DNAJC15: variants seen among roughly 807,000 people sequenced by gnomAD.
DNAJC15 encodes the protein DnaJ heat shock protein family (Hsp40) member C15.
DNAJC15 carries 27 observed loss-of-function variants against 22.4 expected under a neutral mutation model. The ratio of observed to expected loss-of-function variants is 1.20; its 90% CI spans 0.89 to 1.66. The LOEUF is 1.66. Ranked by LOEUF, DNAJC15 falls within the 40% of genes most tolerant of loss-of-function variation. DNAJC15 has a pLI of 0.00. For synonymous variants in DNAJC15, 79 were observed against 63.2 expected (o/e 1.25, Z -1.19); for missense variants, 208 against 187.1 (o/e 1.11, Z -0.65).
At chr13:43,036,655 C>G (rs970459412) in intron 1 of DNAJC15, among the ~76,000 whole-genome samples, 10 of 152,218 alleles carry the variant, frequency 6.6e-5, no homozygotes, top group Admixed American at 1.3e-4. Flanking sequence ...CTTTCAACCT[C>G]TTGCTGCCAC....
intron 5 of DNAJC15, among the ~76,000 whole-genome samples, chr13:43,104,453 A>T (rs1420429825): frequency 1.3e-5 from 2 of 152,054 alleles, no homozygotes; most frequent in Non-Finnish European, 2.9e-5. Context: ...TGATGTGTTT[A>T]TATTTTATTT....
rs567965915 is a variant in DNAJC15 at position 43,065,396 on chromosome 13, G to A, written c.109-290G>A. Among the ~76,000 whole-genome samples, 24 of 152,076 alleles carry A rather than the reference G, an allele frequency of 1.6e-4. No individual in the cohort carries two copies. In the East Asian group the frequency reaches 2.5e-3, roughly 16 times the overall value. On this transcript the variant is annotated intron_variant, in intron 1 of 5. Coordinates refer to ENST00000379221, the MANE Select transcript of DNAJC15 (RefSeq NM_013238.3). ...TATATTAAACCCCCTATTAAAAATC[G>A]TCTATAGAAAAAATTATAGCAATAG... is the stretch of plus-strand genomic sequence containing the variant.
intron 2 of DNAJC15, among the ~76,000 whole-genome samples, chr13:43,066,649 G>A (rs1158863629): frequency 6.6e-6 from 1 of 151,914 alleles, no homozygotes; most frequent in African/African-American, 2.4e-5. Context: ...TTTTTGAGAC[G>A]GAGTCTTGCT....
intron 5 of DNAJC15, among the ~76,000 whole-genome samples, chr13:43,101,111 C>T (rs925601488): frequency 1.3e-5 from 2 of 152,180 alleles, no homozygotes; most frequent in African/African-American, 4.8e-5. Flanking sequence ...CTTTTTCCAT[C>T]CTTTTACTTT....
chr13:43,026,231 A>T (rs2040380126), intron 1 of DNAJC15, among the ~76,000 whole-genome samples: 1 of 152,210 alleles, frequency 6.6e-6, no homozygotes, highest in South Asian at 2.1e-4. Context: ...TCTGTACTAA[A>T]ACAGTGTAAT....
chr13:43,086,119 G>A (rs570685870), intron 5 of DNAJC15, among the ~76,000 whole-genome samples: 10 of 152,228 alleles, frequency 6.6e-5, no homozygotes, highest in Non-Finnish European at 1.2e-4. Context: ...TCGAAAACAC[G>A]AGTTATGGAC....
At chr13:43,060,051 T>G (rs1412001071) in intron 1 of DNAJC15, among the ~76,000 whole-genome samples, 1 of 152,222 alleles carries the variant, frequency 6.6e-6, no homozygotes, top group Non-Finnish European at 1.5e-5. Context: ...GATGTATACG[T>G]GCAGGTCACA....
chr13:43,096,452 T>A (rs1389321661), intron 5 of DNAJC15, among the ~76,000 whole-genome samples: 1 of 152,228 alleles, frequency 6.6e-6, no homozygotes. Context: ...TCCCAGATTT[T>A]TTATGGATAC....
intron 1 of DNAJC15, among the ~76,000 whole-genome samples, chr13:43,049,801 T>C (rs73473963): frequency 0.034 from 5,135 of 152,332 alleles, 296 homozygotes; most frequent in African/African-American, 0.12. Context: ...AATCTGTGTC[T>C]GAAAAGAAAT....
chr13:43,032,581 T>C (rs746199644), intron 1 of DNAJC15, among the ~76,000 whole-genome samples: 5 of 152,192 alleles, frequency 3.3e-5, no homozygotes, highest in Non-Finnish European at 5.9e-5. Flanking sequence ...CCTGGCACTT[T>C]GGGAGGCCAA....
In DNAJC15 at chr13:43,045,898, G is replaced by C. The variant is rs1204549171; in HGVS notation, c.109-19788G>C. ...TTCCTGTTAAAATTGTTTGTTGTCT[G>C]TCTCTCTTGCTAAAATGTACCTTCA... On this transcript the variant is annotated intron_variant, in intron 1 of 5. Transcript: ENST00000379221. Among the ~76,000 whole-genome samples the C allele has an allele frequency of 3.3e-5, 5 of 152,068 alleles. 1 individual carries two copies. In the East Asian group the frequency reaches 9.6e-4, roughly 29 times the overall value.
At position 43,097,984 on chromosome 13, in the gene DNAJC15, A is replaced by G. The variant is rs550441558; in HGVS notation, c.383-9194A>G. ...AAAATATATTTTGAAGGAACACCCA[A>G]CAAAGCTTATGAATCAGGGGTAAGA... On this transcript the variant is annotated intron_variant, in intron 5 of 5. Coordinates refer to ENST00000379221, the MANE Select transcript of DNAJC15 (RefSeq NM_013238.3). 3.3e-5 allele frequency among the ~76,000 whole-genome samples: 5 copies of G among 152,336 alleles called. No homozygotes were observed. In the South Asian group the frequency reaches 6.2e-4, roughly 19 times the overall value.
chr13:43,052,188 C>G (rs543295990), intron 1 of DNAJC15, among the ~76,000 whole-genome samples: 59 of 152,162 alleles, frequency 3.9e-4, no homozygotes, highest in Non-Finnish European at 7.6e-4. Flanking sequence ...TGGTCTCGAT[C>G]TCCTGACCTT....
rs1284231474 is a variant in DNAJC15, at chr13:43,110,736, A to G, written c.*3488A>G. 1 of 152,186 alleles carries G rather than the reference A, an allele frequency of 6.6e-6. No homozygotes were observed. Among genetic ancestry groups the G allele is most frequent in the Non-Finnish European group, 1.5e-5 (1 of 68,020 alleles). 9.4% of individuals were successfully genotyped at this position (152,186 alleles called of 1,614,324 possible). ...TATGAGCTCTCTGAGAGCAAGGATC[A>G]TATCAGTCTTGTTTATTGTTGCAGT... On this transcript the variant is annotated 3_prime_UTR_variant, in exon 6 of 6. Transcript: ENST00000379221.
At chr13:43,039,384 C>A (rs2040442964) in intron 1 of DNAJC15, among the ~76,000 whole-genome samples, 1 of 152,070 alleles carries the variant, frequency 6.6e-6, no homozygotes, top group African/African-American at 2.4e-5. Flanking sequence ...TATAGTGTTT[C>A]TATAGAAGTC....
At position 43,087,882 on chromosome 13, in the gene DNAJC15, A is replaced by G. The variant is rs561449941; in HGVS notation, c.382+2044A>G. On this transcript the variant is annotated intron_variant, in intron 5 of 5. Coordinates refer to ENST00000379221, the MANE Select transcript of DNAJC15 (RefSeq NM_013238.3). ...AATAAGCATTCAGACGTATTTTGGT[A>G]AAAAGGAAATTTTTCTTTTTCAATG... Among the ~76,000 whole-genome samples, 141 of 152,314 alleles carry G rather than the reference A, an allele frequency of 9.3e-4. 1 individual carries two copies. The highest frequency in any genetic ancestry group is 3.3e-3 in the African/African-American group (137 of 41,584).
intron 1 of DNAJC15, among the ~76,000 whole-genome samples, chr13:43,026,677 A>G (rs910771695): frequency 4.8e-5 from 4 of 83,494 alleles, no homozygotes; most frequent in Admixed American, 2.1e-4. Context: ...ATGTTTGTCA[A>G]TGAGTTAAAG....
chr13:43,049,224 C>T (rs923505077), intron 1 of DNAJC15, among the ~76,000 whole-genome samples: 5 of 152,222 alleles, frequency 3.3e-5, no homozygotes, highest in Non-Finnish European at 7.3e-5. Flanking sequence ...GGTACCAACA[C>T]TATGCCTGAT....
At chr13:43,062,910 G>T (rs1312548572) in intron 1 of DNAJC15, among the ~76,000 whole-genome samples, 1 of 151,904 alleles carries the variant, frequency 6.6e-6, no homozygotes, top group Non-Finnish European at 1.5e-5. Flanking sequence ...GTAGATACGG[G>T]GTTTCACCAT....
Sources: allele counts gnomAD v4.1 joint callset (sites outside exome capture counted in the v4.1 genomes callset), GRCh38; gene constraint gnomAD v4.1.1; transcripts MANE v1.5; gene names NCBI Gene and HGNC (gene_info 2026-07-23, HGNC 2026-07-21).